The following ZNF99 variants were observed in gnomAD, a reference collection of about 807,000 sequenced individuals.
The protein encoded by ZNF99 is zinc finger protein ENSP00000375192.
In ZNF99, 8 loss-of-function variants were observed where a neutral mutation model predicts 12.8. The observed-to-expected ratio is 0.62, with a 90% CI of 0.37 to 1.13. The LOEUF is 1.13. Among genes scored for constraint, ZNF99 ranks in the 50% most tolerant of loss-of-function variants. The probability of loss-of-function intolerance (pLI) is 0.02; values close to 1 mark genes in which losing one functional copy is unlikely to be tolerated. For missense variants in ZNF99, 1,007 were observed against 1,006.2 expected (o/e 1.00, Z -0.01); for synonymous variants, 318 against 319.0 (o/e 1.00, Z 0.03).
chr19:22,781,593 G>A (rs1046948826), intron 1 of ZNF99, among the ~76,000 whole-genome samples: 1 of 151,900 alleles, frequency 6.6e-6, no homozygotes, highest in African/African-American at 2.4e-5. Context: ...CCAGCAATGT[G>A]TCTTCAAAAA....
chr19:22,779,772 CCTCT>C lies in ZNF99; in HGVS notation c.3+4238_3+4241del, dbSNP rs1651226048. Among the ~76,000 whole-genome samples, 3 of 152,236 alleles carry C rather than the reference CCTCT, an allele frequency of 2.0e-5. No homozygotes were observed. The South Asian group carries it at 6.2e-4, about 32-fold the overall frequency. On this transcript the variant is annotated intron_variant, in intron 1 of 3. Transcript: ENST00000596209. ...CTCCATTCGCCATCCCCTCCGACCT[CCTCT>C]CTAATATGGTTTGCTCTTCCATATG...
At position 22,755,942 on chromosome 19, in the gene ZNF99, T is replaced by G; in HGVS notation, c.*1372A>C. 4.6e-6 allele frequency: 2 copies of G among 430,126 alleles called. No homozygotes were observed. The highest frequency in any genetic ancestry group is 6.0e-5 in the East Asian group (1 of 16,562). 26.6% of individuals were successfully genotyped at this position (430,126 alleles called of 1,614,324 possible). A position where few individuals can be genotyped will look rare whatever the true frequency, so the allele number is the denominator to read the frequency against. ...CAATGGTTAAAAGCTTTGTCACCTT[T>G]ATTATATTTGTAGGGTTTTCCTCCA... On this transcript the variant is annotated 3_prime_UTR_variant, in exon 4 of 4. Coordinates refer to ENST00000596209, the MANE Select transcript of ZNF99 (RefSeq NM_001080409.3).
In ZNF99 at chr19:22,757,819, A is replaced by C. The variant is rs529637559; in HGVS notation, c.2090T>G (p.Ile697Arg). The change falls in exon 4 of 4, where the codon ATA (isoleucine) becomes AGA (arginine). Residue 697 changes from isoleucine (I) to arginine (R), a missense_variant. Physicochemically the swap from Ile to Arg is moderately conservative, Grantham distance 97 (BLOSUM62 -3). Coordinates refer to ENST00000596209, the MANE Select transcript of ZNF99 (RefSeq NM_001080409.3). ...NHFSALRKHK[I>R]IHTGKKPYKC... ...GTAGGGTTTCTTTCCAGTATGAATT[A>C]TCTTATGTTTCCTAAGGGCTGAGAA... 6 of 1,612,474 alleles carry C rather than the reference A, an allele frequency of 3.7e-6. No homozygotes were observed. The highest frequency in any genetic ancestry group is 5.1e-6 in the Non-Finnish European group (6 of 1,179,586).
chr19:22,760,540 C>T (rs1439347767), intron 3 of ZNF99, among the ~76,000 whole-genome samples: 1 of 152,024 alleles, frequency 6.6e-6, no homozygotes, highest in Non-Finnish European at 1.5e-5. Context: ...GTCAGGAGAT[C>T]GAGACCATTC....
chr19:22,757,878 G>A lies in ZNF99; in HGVS notation c.2031C>T (p.Tyr677=). 6.2e-7 allele frequency: 1 copy of A among 1,612,582 alleles called. No homozygotes were observed. The highest frequency in any genetic ancestry group is 8.5e-7 in the Non-Finnish European group (1 of 1,179,098). ...HKVIHTEEKP[Y]KCEECGKAFN... is the part of the protein sequence containing the mutation. Reference sequence around the variant, plus strand: ...AAGCCTTGCCACATTCTTCACATTTGTAGGGTTTCTCTTCAGTATGAATTA... The same window carrying A: ...AAGCCTTGCCACATTCTTCACATTTATAGGGTTTCTCTTCAGTATGAATTA... The change falls in exon 4 of 4, where the codon TAC becomes TAT. Residue 677 remains tyrosine, a synonymous_variant. Transcript: ENST00000596209.
At position 22,757,062 on chromosome 19, in the gene ZNF99, T is replaced by C; in HGVS notation, c.*252A>G. 1 of 1,613,034 alleles carries C rather than the reference T, an allele frequency of 6.2e-7. No homozygotes were observed. The highest frequency in any genetic ancestry group is 8.5e-7 in the Non-Finnish European group (1 of 1,179,316). Reference sequence around the variant, plus strand: ...TTGTACGATTTCTCCCTAGTATGAATTAGCTTATGTTTCTTAAGGGTTGAG... The same window carrying C: ...TTGTACGATTTCTCCCTAGTATGAACTAGCTTATGTTTCTTAAGGGTTGAG... On this transcript the variant is annotated 3_prime_UTR_variant, in exon 4 of 4. Transcript: ENST00000596209.
chr19:22,775,363 A>T (rs1212775985), intron 1 of ZNF99, among the ~76,000 whole-genome samples: 1 of 152,222 alleles, frequency 6.6e-6, no homozygotes, highest in Non-Finnish European at 1.5e-5. Context: ...GTATGTAGAA[A>T]ATTGAAACTG....
At chr19:22,767,124 A>C (rs1476601032) in intron 3 of ZNF99, among the ~76,000 whole-genome samples, 1 of 150,978 alleles carries the variant, frequency 6.6e-6, no homozygotes, top group African/African-American at 2.4e-5. Context: ...AAAAAAAAAA[A>C]AAACCAAAAA....
In ZNF99 at chr19:22,758,113, C is replaced by T. The variant is rs767934047; in HGVS notation, c.1796G>A (p.Gly599Asp). ...GGCTGAGAAGTGGTTAAAAGCTTTGCCACATTCTTCACATTTGTAGGGTTT... is the reference window on the plus strand; with the variant it reads ...GGCTGAGAAGTGGTTAAAAGCTTTGTCACATTCTTCACATTTGTAGGGTTT... The part of the protein sequence containing the change: ...GEKPYKCEEC[G>D]KAFNHFSALR... Residue 599 changes from glycine (G) to aspartate (D), a missense_variant, in exon 4 of 4, where the codon GGC (glycine) becomes GAC (aspartate). Physicochemically the swap from Gly to Asp is moderately conservative, Grantham distance 94 (BLOSUM62 -1). Coordinates refer to ENST00000596209, the MANE Select transcript of ZNF99 (RefSeq NM_001080409.3). 10 of 1,611,730 alleles carry T rather than the reference C, an allele frequency of 6.2e-6. No individual in the cohort carries two copies. Among genetic ancestry groups the T allele is most frequent in the Non-Finnish European group, 8.5e-6 (10 of 1,178,372 alleles).
chr19:22,756,237 GT>G lies in ZNF99; in HGVS notation c.*1076del, dbSNP rs1290887545. On this transcript the variant is annotated 3_prime_UTR_variant, in exon 4 of 4. Transcript: ENST00000596209. ...TTCTCCCCAGTATGAATTATCTTAT[GT>G]TTAGTAAGGGCTGAAAGATGGTTAA... is the stretch of plus-strand genomic sequence containing the variant. The G allele has an allele frequency of 6.4e-7, 1 of 1,565,672 alleles. No homozygotes were observed. Among genetic ancestry groups the G allele is most frequent in the Non-Finnish European group, 8.6e-7 (1 of 1,156,498 alleles).
chr19:22,779,450 G>T (rs1190066876), intron 1 of ZNF99, among the ~76,000 whole-genome samples: 23 of 152,108 alleles, frequency 1.5e-4, no homozygotes, highest in Admixed American at 1.5e-3. Flanking sequence ...CTTGAACCCG[G>T]GAGGCGGAGG....
rs1973422792 is a variant in ZNF99, at chr19:22,784,139, C to T, written c.-123G>A. 2 of 1,098,168 alleles carry T rather than the reference C, an allele frequency of 1.8e-6. No homozygotes were observed. Among genetic ancestry groups the T allele is most frequent in the Non-Finnish European group, 2.6e-6 (2 of 763,602 alleles). The allele number at this position is 1,098,168 out of a possible 1,614,324, so 68.0% of individuals were successfully genotyped here. On this transcript the variant is annotated 5_prime_UTR_variant, in exon 1 of 4. Transcript: ENST00000596209. ...CGAGATCCGGAGCTCCAGCTGGAAC[C>T]AGAAACAACGGCCCCGCCACATCCC...
chr19:22,759,664 G>A lies in ZNF99; in HGVS notation c.245C>T (p.Thr82Ile). 1 of 1,542,376 alleles carries A rather than the reference G, an allele frequency of 6.5e-7. No individual in the cohort carries two copies. Among genetic ancestry groups the A allele is most frequent in the Non-Finnish European group, 8.7e-7 (1 of 1,151,818 alleles). Residue 82 changes from threonine (T) to isoleucine (I), a missense_variant, in exon 4 of 4, where the codon ACA becomes ATA. Transcript: ENST00000596209. ...TKPPVISSHF[T>I]QDFWPDQSIK... ...GCTCTGATCTGGCCAAAAGTCTTGT[G>A]TAAAATGAGAACTAATAACTGGAAG... is the stretch of plus-strand genomic sequence containing the variant.
rs547748742 is a variant in ZNF99, at chr19:22,774,254, T to C, written c.4-4930A>G. Reference sequence around the variant, plus strand: ...AGAATTTCTCTCTCAACAAGCAAAATACACAACTACTCTCAGCATGAGAAA... The same window carrying C: ...AGAATTTCTCTCTCAACAAGCAAAACACACAACTACTCTCAGCATGAGAAA... On this transcript the variant is annotated intron_variant, in intron 1 of 3. Transcript: ENST00000596209. 4.6e-5 allele frequency: 7 copies of C among 152,446 alleles called. No homozygotes were observed. The South Asian group carries it at 1.2e-3, about 27-fold the overall frequency. 9.4% of individuals were successfully genotyped at this position (152,446 alleles called of 1,614,324 possible).
intron 1 of ZNF99, among the ~76,000 whole-genome samples, chr19:22,773,126 GA>G (rs1973290827): frequency 6.6e-6 from 1 of 152,214 alleles, no homozygotes. Flanking sequence ...AATTGGCAGA[GA>G]AACAATTCTG....
chr19:22,780,314 G>T (rs888620718), intron 1 of ZNF99, among the ~76,000 whole-genome samples: 1 of 152,130 alleles, frequency 6.6e-6, no homozygotes, highest in East Asian at 1.9e-4. Context: ...ATTTTAAGGT[G>T]CTTACACTTT....
intron 3 of ZNF99, among the ~76,000 whole-genome samples, chr19:22,761,125 A>T (rs926275620): frequency 2.6e-5 from 4 of 151,956 alleles, no homozygotes; most frequent in Non-Finnish European, 5.9e-5. Context: ...AAACAACCAT[A>T]AAACAATGAA....
At chr19:22,774,504 G>T (rs560484477) in intron 1 of ZNF99, 38 of 152,288 alleles carry the variant, frequency 2.5e-4, no homozygotes, top group African/African-American at 8.4e-4. Context: ...AGCTATTATG[G>T]TTTTTGGGTG....
chr19:22,766,674 G>A (rs965987294), intron 3 of ZNF99, among the ~76,000 whole-genome samples: 3 of 138,856 alleles, frequency 2.2e-5, no homozygotes, highest in African/African-American at 5.4e-5. Context: ...TTTTTGAGTC[G>A]GAGTTTCACT....
Sources: allele counts gnomAD v4.1 joint callset (sites outside exome capture counted in the v4.1 genomes callset), GRCh38; gene constraint gnomAD v4.1.1; transcripts MANE v1.5; gene names NCBI Gene and HGNC (gene_info 2026-07-23, HGNC 2026-07-21).